Variants in A2ML1 observed in about 807,000 individuals in gnomAD.
The protein encoded by A2ML1 is alpha-2-macroglobulin-like protein 1.
Under a neutral mutation model 181.9 loss-of-function variants are expected in A2ML1, and 161 were observed. The ratio of observed to expected loss-of-function variants is 0.89; its 90% CI spans 0.78 to 1.01. A2ML1 has a LOEUF of 1.01. A2ML1 is among the 50% of genes least tolerant of loss of function. The pLI is 0.00. For missense variants in A2ML1, 1,670 were observed against 1,768.1 expected (o/e 0.94, Z 1.00); for synonymous variants, 663 against 666.8 (o/e 0.99, Z 0.09).
intron 34 of A2ML1, 143 bp downstream of exon 34, chr12:8,874,670 C>T: frequency 1.5e-6 from 1 of 685,702 alleles, no homozygotes; most frequent in Admixed American, 3.0e-5. Context: ...TATCTAATCT[C>T]CTAAAATATT....
intron 12 of A2ML1, among the ~76,000 whole-genome samples, chr12:8,844,366 T>C (rs2136822798): frequency 6.6e-6 from 1 of 151,854 alleles, no homozygotes; most frequent in Non-Finnish European, 1.5e-5. Context: ...CCTCCCAAAG[T>C]GCTGGGACTG....
intron 20 of A2ML1, among the ~76,000 whole-genome samples, chr12:8,853,479 G>C (rs1412748774): frequency 2.0e-5 from 3 of 152,202 alleles, no homozygotes; most frequent in Non-Finnish European, 4.4e-5. Context: ...TCTGGGTGCA[G>C]CTTAGCTGGG....
intron 4 of A2ML1, 154 bp downstream of exon 4, chr12:8,829,933 G>C (rs1943057042): frequency 1.3e-6 from 1 of 799,700 alleles, no homozygotes; most frequent in South Asian, 1.8e-5. Context: ...TGCTGGGCGA[G>C]CTTCAGGGAG....
At chr12:8,848,297 A>T (rs980645858) in intron 15 of A2ML1, among the ~76,000 whole-genome samples, 5 of 152,080 alleles carry the variant, frequency 3.3e-5, no homozygotes, top group African/African-American at 1.2e-4. Flanking sequence ...CCTGACCAAC[A>T]TGGTGAAACC....
chr12:8,833,369 A>G (rs1943178291), intron 4 of A2ML1, among the ~76,000 whole-genome samples: 1 of 152,104 alleles, frequency 6.6e-6, no homozygotes, highest in Non-Finnish European at 1.5e-5. Context: ...CTGTGTGAGA[A>G]AAGTACTTTG....
chr12:8,823,921 G>A, intron 3 of A2ML1, 39 bp downstream of exon 3: 4 of 1,587,992 alleles, frequency 2.5e-6, no homozygotes, highest in Non-Finnish European at 3.4e-6. Flanking sequence ...AAAACCTGGG[G>A]AAACCGCTGT....
chr12:8,857,740 G>T, intron 25 of A2ML1, 152 bp downstream of exon 25: 1 of 1,111,050 alleles, frequency 9.0e-7, no homozygotes, highest in Non-Finnish European at 1.3e-6. Flanking sequence ...CTCATGGATG[G>T]TCAAGTCCCT....
intron 9 of A2ML1, among the ~76,000 whole-genome samples, chr12:8,838,851 C>T (rs1592116394): frequency 6.8e-6 from 1 of 148,054 alleles, no homozygotes; most frequent in Admixed American, 6.9e-5. Context: ...GGAGGTGGAG[C>T]TTGCAGTGAG....
intron 12 of A2ML1, chr12:8,845,174 G>A (rs1943625123): frequency 6.5e-7 from 1 of 1,526,754 alleles, no homozygotes. Flanking sequence ...AGTTATCTAT[G>A]GTGAGGAACA....
chr12:8,869,404 C>T (rs1460920875), intron 33 of A2ML1, among the ~76,000 whole-genome samples: 2 of 151,984 alleles, frequency 1.3e-5, no homozygotes, highest in African/African-American at 2.4e-5. Flanking sequence ...GTCCAACAGA[C>T]CTATAATGTG....
chr12:8,857,325 G>T lies in A2ML1; in HGVS notation c.3010G>T (p.Gly1004Cys). 1 of 1,613,982 alleles carries T rather than the reference G, an allele frequency of 6.2e-7. No individual in the cohort carries two copies. Among genetic ancestry groups the T allele is most frequent in the Non-Finnish European group, 8.5e-7 (1 of 1,179,992 alleles). ...GGAGGAGATCAGGTCTCGGGCAGTG[G>T]GTTTCCTGGAAATAGGTAAGTTGGT... ...LTEEIRSRAV[G>C]FLEIGYQKEL... The change falls in exon 24 of 36, where the codon GGT becomes TGT. Residue 1004 changes from glycine (G) to cysteine (C), a missense_variant. Coordinates refer to ENST00000299698, the MANE Select transcript of A2ML1 (RefSeq NM_144670.6).
chr12:8,834,635 C>T, intron 4 of A2ML1, 27 bp from the exon 5 acceptor site: 1 of 1,613,456 alleles, frequency 6.2e-7, no homozygotes, highest in Non-Finnish European at 8.5e-7. Context: ...CCTTCTTTAA[C>T]CCGCATTATC....
At chr12:8,832,243 G>GAACATCTCAGGCT (rs1247107651) in intron 4 of A2ML1, among the ~76,000 whole-genome samples, 4 of 152,134 alleles carry the variant, frequency 2.6e-5, no homozygotes, top group Admixed American at 2.6e-4. Context: ...TCCACTGAAT[G>GAACATCTCAGGCT]CAGGGTCTGC....
chr12:8,863,104 C>T (rs1944320663), intron 28 of A2ML1, among the ~76,000 whole-genome samples: 1 of 139,840 alleles, frequency 7.2e-6, no homozygotes, highest in African/African-American at 2.6e-5. Context: ...AATGTTAAAT[C>T]TTTTTTTTTT....
chr12:8,851,062 T>C lies in A2ML1; in HGVS notation c.2235-722T>C, dbSNP rs61921918. Among the ~76,000 whole-genome samples the C allele has an allele frequency of 7.1e-3, 1,077 of 152,292 alleles. 8 individuals are homozygous for C. Among genetic ancestry groups the C allele is most frequent in the Non-Finnish European group, 0.011 (746 of 68,024 alleles). On this transcript the variant is annotated intron_variant, in intron 18 of 35. Transcript: ENST00000299698. ...CCTACCTGAATTCTTCATGCATTCA[T>C]ATACAACCACTCAAAACAAATCCAC...
In A2ML1 at chr12:8,822,702, A is replaced by C; in HGVS notation, c.51A>C (p.Ala17=). Residue 17 remains alanine (A), a synonymous_variant, in exon 1 of 36, where the codon GCA becomes GCC. Coordinates refer to ENST00000299698, the MANE Select transcript of A2ML1 (RefSeq NM_144670.6). ...LGMLALSPAI[A]EELPNYLVTL... The stretch of plus-strand genomic sequence containing the variant: ...TGTTGGCCCTATCACCAGCCATTGC[A>C]GAAGAACTTCCGTGAGTGCTTGGTG... 6.2e-7 allele frequency: 1 copy of C among 1,614,192 alleles called. No individual in the cohort carries two copies. Among genetic ancestry groups the C allele is most frequent in the South Asian group, 1.1e-5 (1 of 91,076 alleles).
At chr12:8,861,059 A>G (rs1944243276) in intron 27 of A2ML1, 76 bp from the exon 28 acceptor site, 1 of 1,606,478 alleles carries the variant, frequency 6.2e-7, no homozygotes, top group African/African-American at 1.3e-5. Context: ...GTCAAGAAGG[A>G]TAAGATGATT....
chr12:8,857,393 G>A, intron 24 of A2ML1, 53 bp downstream of exon 24: 1 of 1,581,618 alleles, frequency 6.3e-7, no homozygotes, highest in Non-Finnish European at 8.6e-7. Flanking sequence ...TAGGCCCTAT[G>A]ACAGATTGAT....
intron 4 of A2ML1, among the ~76,000 whole-genome samples, 197 bp from the exon 5 acceptor site, chr12:8,834,465 T>A (rs1943209278): frequency 6.6e-6 from 1 of 152,222 alleles, no homozygotes; most frequent in Admixed American, 6.5e-5. Flanking sequence ...ACCCTCCTCC[T>A]GCCTTGTTTC....
Sources: allele counts gnomAD v4.1 joint callset (sites outside exome capture counted in the v4.1 genomes callset), GRCh38; gene constraint gnomAD v4.1.1; transcripts MANE v1.5; gene names NCBI Gene and HGNC (gene_info 2026-07-23, HGNC 2026-07-21).